Variants in STAG1 observed in about 807,000 individuals in gnomAD.
The protein encoded by STAG1 is cohesin subunit SA-1.
STAG1 carries 26 observed loss-of-function variants against 170.9 expected under a neutral mutation model. The observed-to-expected ratio is 0.15, with a 90% CI of 0.11 to 0.21. The LOEUF (loss-of-function observed/expected upper bound fraction) is 0.21, where lower values mean the gene tolerates loss of function less well. STAG1 is among the 10% of genes least tolerant of loss of function. The probability of loss-of-function intolerance (pLI) is 1.00; values close to 1 mark genes in which losing one functional copy is unlikely to be tolerated. For synonymous variants in STAG1, 514 were observed against 497.7 expected (o/e 1.03, Z -0.44); for missense variants, 964 against 1,509.5 (o/e 0.64, Z 5.99).
chr3:136,405,498 T>C (rs1486376689), intron 21 of STAG1, among the ~76,000 whole-genome samples: 1 of 151,786 alleles, frequency 6.6e-6, no homozygotes, highest in Non-Finnish European at 1.5e-5. Context: ...TGTATCGACC[T>C]CTCAAAGTGC....
intron 25 of STAG1, among the ~76,000 whole-genome samples, chr3:136,365,514 C>T (rs1937041390): frequency 6.6e-6 from 1 of 152,110 alleles, no homozygotes; most frequent in African/African-American, 2.4e-5. Flanking sequence ...AACCCCTCCT[C>T]CACAAATGCC....
chr3:136,487,251 T>C (rs547814335), intron 9 of STAG1, among the ~76,000 whole-genome samples: 26 of 152,282 alleles, frequency 1.7e-4, no homozygotes, highest in African/African-American at 6.0e-4. Flanking sequence ...GTTCCTGTGT[T>C]AGTTTGCTGA....
intron 1 of STAG1, among the ~76,000 whole-genome samples, chr3:136,642,213 T>C (rs28750366): frequency 0.19 from 28,438 of 149,590 alleles, 3,077 homozygotes; most frequent in Non-Finnish European, 0.24. Context: ...GCATATCCCA[T>C]AGAGTTCGAT....
chr3:136,609,892 G>A (rs1939179577), intron 3 of STAG1, among the ~76,000 whole-genome samples: 1 of 151,860 alleles, frequency 6.6e-6, no homozygotes, highest in Non-Finnish European at 1.5e-5. Context: ...CCATAGATGG[G>A]GGTTACTTTT....
chr3:136,602,308 G>A (rs1180193117), intron 4 of STAG1, among the ~76,000 whole-genome samples: 3 of 151,488 alleles, frequency 2.0e-5, no homozygotes, highest in Non-Finnish European at 4.4e-5. Flanking sequence ...GAACCTGGGA[G>A]GCGGAGGTTG....
At chr3:136,505,779 G>T (rs1329016111) in intron 7 of STAG1, among the ~76,000 whole-genome samples, 1 of 152,154 alleles carries the variant, frequency 6.6e-6, no homozygotes, top group African/African-American at 2.4e-5. Flanking sequence ...GATTAAGGGG[G>T]TGCTATTTTA....
chr3:136,518,732 G>GT (rs764118166), intron 7 of STAG1, among the ~76,000 whole-genome samples: 1 of 152,058 alleles, frequency 6.6e-6, no homozygotes, highest in Non-Finnish European at 1.5e-5. Flanking sequence ...CCGTATAAAC[G>GT]TATGTTGTTA....
At chr3:136,577,483 C>G (rs1937505296) in intron 4 of STAG1, among the ~76,000 whole-genome samples, 3 of 152,164 alleles carry the variant, frequency 2.0e-5, no homozygotes, top group Admixed American at 6.5e-5. Flanking sequence ...TTTTGAATAG[C>G]TCTCCCCCAT....
At chr3:136,416,180 G>T (rs2087767021) in intron 21 of STAG1, among the ~76,000 whole-genome samples, 1 of 152,004 alleles carries the variant, frequency 6.6e-6, no homozygotes, top group African/African-American at 2.4e-5. Context: ...GCTAATTTTT[G>T]TATTTTTAGT....
intron 7 of STAG1, among the ~76,000 whole-genome samples, chr3:136,507,120 A>G (rs1933807919): frequency 6.6e-6 from 1 of 152,240 alleles, no homozygotes; most frequent in African/African-American, 2.4e-5. Flanking sequence ...CAGATCAGCT[A>G]AAAGACTTGA....
At chr3:136,447,595 C>CTTTTT (rs1559806771) in intron 14 of STAG1, among the ~76,000 whole-genome samples, 2 of 121,414 alleles carry the variant, frequency 1.6e-5, no homozygotes, top group African/African-American at 3.2e-5. Context: ...AAAAGCATCA[C>CTTTTT]ATTTTTTTTT....
At chr3:136,341,010 G>A (rs1935946801) in intron 31 of STAG1, among the ~76,000 whole-genome samples, 1 of 152,126 alleles carries the variant, frequency 6.6e-6, no homozygotes, top group Non-Finnish European at 1.5e-5. Flanking sequence ...CTGGATTTAA[G>A]CGATTCTCCT....
intron 9 of STAG1, among the ~76,000 whole-genome samples, chr3:136,489,713 G>C (rs1416463524): frequency 6.6e-6 from 1 of 152,144 alleles, no homozygotes; most frequent in Non-Finnish European, 1.5e-5. Flanking sequence ...ATAGCATAGG[G>C]AGAAAGAAAT....
intron 10 of STAG1, 60 bp from the exon 11 acceptor site, chr3:136,473,697 G>T: frequency 1.5e-6 from 2 of 1,296,048 alleles, no homozygotes; most frequent in Non-Finnish European, 2.2e-6. Context: ...CAATTTTCAA[G>T]TCTATATGAA....
chr3:136,419,692 G>A lies in STAG1; in HGVS notation c.2108+1401C>T, dbSNP rs576329681. ...TGGCCAGGCTGGTCTTGAACCCCTG[G>A]GCTCAAGTGATCCACCTATCTCAAC... On this transcript the variant is annotated intron_variant, in intron 20 of 33. Coordinates refer to ENST00000383202, the MANE Select transcript of STAG1 (RefSeq NM_005862.3). Among the ~76,000 whole-genome samples, 202 of 150,982 alleles carry A rather than the reference G, an allele frequency of 1.3e-3. 2 individuals carry two copies. Among genetic ancestry groups the A allele is most frequent in the African/African-American group, 4.5e-3 (184 of 41,088 alleles).
intron 1 of STAG1, among the ~76,000 whole-genome samples, chr3:136,730,838 C>T (rs1301149372): frequency 6.6e-6 from 1 of 152,224 alleles, no homozygotes; most frequent in Non-Finnish European, 1.5e-5. Flanking sequence ...AATCAAGTAA[C>T]ACTTTCTGAA....
chr3:136,338,212 T>A lies in STAG1; in HGVS notation c.*42A>T, dbSNP rs182497205. On this transcript the variant is annotated 3_prime_UTR_variant, in exon 34 of 34. Transcript: ENST00000383202. ...CTATCACAGTATATAGGCCTCTAGC[T>A]CTAAATAATAGAGTTCCAGATTTGT... The A allele has an allele frequency of 2.8e-6, 4 of 1,449,076 alleles. No homozygotes were observed. Among genetic ancestry groups the A allele is most frequent in the Middle Eastern group, 2.4e-4 (1 of 4,116 alleles). 89.8% of individuals were successfully genotyped at this position (1,449,076 alleles called of 1,614,324 possible).
At chr3:136,390,569 T>C (rs931570174) in intron 22 of STAG1, among the ~76,000 whole-genome samples, 1 of 152,150 alleles carries the variant, frequency 6.6e-6, no homozygotes, top group Non-Finnish European at 1.5e-5. Flanking sequence ...TAGAACTAAC[T>C]AATGGAACAG....
intron 1 of STAG1, among the ~76,000 whole-genome samples, chr3:136,727,026 C>T (rs1933723672): frequency 6.6e-6 from 1 of 152,172 alleles, no homozygotes; most frequent in Non-Finnish European, 1.5e-5. Flanking sequence ...ATTTCACACC[C>T]TCAGAGATGC....
Sources: gnomAD v4.1 joint callset for allele counts (sites outside exome capture counted in the v4.1 genomes callset) on GRCh38, gnomAD v4.1.1 for gene constraint, MANE v1.5 for transcripts, NCBI Gene and HGNC (gene_info 2026-07-23, HGNC 2026-07-21) for gene names.